The following CADPS2 variants were observed in gnomAD, a reference collection of about 807,000 sequenced individuals.
CADPS2 encodes calcium-dependent secretion activator 2.
A neutral mutation model predicts 172.5 loss-of-function variants in CADPS2; 93 were observed. The ratio of observed to expected loss-of-function variants is 0.54; its 90% CI spans 0.46 to 0.64. The LOEUF (loss-of-function observed/expected upper bound fraction) is 0.64, where lower values mean the gene tolerates loss of function less well. Among genes scored for constraint, CADPS2 ranks in the 30% least tolerant of loss-of-function variants. The probability of loss-of-function intolerance (pLI) is 0.00; values close to 1 mark genes in which losing one functional copy is unlikely to be tolerated. For missense variants in CADPS2, 1,420 were observed against 1,565.9 expected (o/e 0.91, Z 1.57); for synonymous variants, 546 against 555.2 (o/e 0.98, Z 0.23).
At chr7:122,850,113 A>G (rs1388640663) in intron 1 of CADPS2, 10 of 1,342,328 alleles carry the variant, frequency 7.4e-6, no homozygotes, top group South Asian at 2.0e-5. Context: ...CCTGGCATCC[A>G]TCAACAACTC....
chr7:122,629,936 C>A (rs2076418114), intron 3 of CADPS2, among the ~76,000 whole-genome samples: 1 of 152,064 alleles, frequency 6.6e-6, no homozygotes, highest in African/African-American at 2.4e-5. Context: ...GTGCTCTCAT[C>A]ATTTTTTTTA....
In CADPS2 at chr7:122,325,514, T is replaced by C. The variant is rs754483790; in HGVS notation, c.3680A>G (p.His1227Arg). Residue 1227 changes from histidine (H) to arginine (R), a missense_variant, in exon 29 of 30, where the codon CAT (histidine) becomes CGT (arginine). Physicochemically the swap from His to Arg is conservative, Grantham distance 29. Coordinates refer to ENST00000449022, the MANE Select transcript of CADPS2 (RefSeq NM_017954.11). Reference protein sequence around the residue: ...WLTDRLDLQLHIYQLKTLIKI... With the variant: ...WLTDRLDLQLRIYQLKTLIKI... ...GATGAGCGTCTTCAGCTGGTAAATA[T>C]GGAGTTGGAGGTCTAATCTATCAGT... The C allele has an allele frequency of 1.2e-5, 19 of 1,611,158 alleles. No homozygotes were observed. The highest frequency in any genetic ancestry group is 1.4e-5 in the Non-Finnish European group (17 of 1,178,610).
At chr7:122,391,439 A>G (rs1038321298) in intron 22 of CADPS2, among the ~76,000 whole-genome samples, 2 of 152,126 alleles carry the variant, frequency 1.3e-5, no homozygotes, top group East Asian at 3.9e-4. Flanking sequence ...TGCCCATGAT[A>G]GTGTTCTTGG....
intron 24 of CADPS2, chr7:122,386,152 C>T (rs2043638706): frequency 2.1e-6 from 1 of 485,842 alleles, no homozygotes. Context: ...AAGCTGTTAG[C>T]CTTATATATG....
chr7:122,665,444 A>G (rs2081086653), intron 2 of CADPS2, among the ~76,000 whole-genome samples: 1 of 152,210 alleles, frequency 6.6e-6, no homozygotes, highest in African/African-American at 2.4e-5. Flanking sequence ...GTCAAATAAG[A>G]TGCTCCTCAA....
At position 122,393,236 on chromosome 7, in the gene CADPS2, T is replaced by A; in HGVS notation, c.2968A>T (p.Ile990Phe). ...GAAGGCATCCACGAAGCAGTAGAAA[T>A]GTTAGGAATCTGTGGAAGATTAAGA... ...LPLNLPQIPN[I>F]STASWMPSLY... Residue 990 changes from isoleucine to phenylalanine, a missense_variant, in exon 22 of 30, where the codon ATT becomes TTT. Ile to Phe is a conservative substitution (Grantham distance 21). Transcript: ENST00000449022. 1 of 1,613,636 alleles carries A rather than the reference T, an allele frequency of 6.2e-7. No homozygotes were observed. Among genetic ancestry groups the A allele is most frequent in the African/African-American group, 1.3e-5 (1 of 74,932 alleles).
At chr7:122,771,929 T>A (rs2093716045) in intron 1 of CADPS2, among the ~76,000 whole-genome samples, 1 of 152,154 alleles carries the variant, frequency 6.6e-6, no homozygotes, top group South Asian at 2.1e-4. Flanking sequence ...ATCAGATTTG[T>A]GTTAGGGAGA....
chr7:122,438,455 T>C lies in CADPS2; in HGVS notation c.2362A>G (p.Lys788Glu). Reference sequence around the variant, plus strand: ...GCTGGTATGGGAGTGGCAATATCTTTCATTAAAACCTACAGAGAGAGGAAG... The same window carrying C: ...GCTGGTATGGGAGTGGCAATATCTTCCATTAAAACCTACAGAGAGAGGAAG... ...TLSLLERVLM[K>E]DIATPIPAEE... Residue 788 changes from lysine (K) to glutamate (E), a missense_variant, in exon 17 of 30, where the codon AAA (lysine) becomes GAA (glutamate). Coordinates refer to ENST00000449022, the MANE Select transcript of CADPS2 (RefSeq NM_017954.11). 1.2e-6 allele frequency: 2 copies of C among 1,612,742 alleles called. No individual in the cohort carries two copies. The highest frequency in any genetic ancestry group is 3.3e-4 in the Middle Eastern group (2 of 6,054).
chr7:122,589,484 G>A (rs1384937317), intron 6 of CADPS2, among the ~76,000 whole-genome samples: 3 of 151,874 alleles, frequency 2.0e-5, no homozygotes, highest in African/African-American at 4.8e-5. Flanking sequence ...ACTTACGGAA[G>A]AGCAGCTTTT....
chr7:122,686,161 T>G (rs914935743), intron 2 of CADPS2, among the ~76,000 whole-genome samples: 19 of 152,182 alleles, frequency 1.2e-4, no homozygotes, highest in Non-Finnish European at 2.5e-4. Context: ...TACTTTTCAG[T>G]TTTTTTCTAT....
intron 17 of CADPS2, chr7:122,426,079 A>C (rs2049140898): frequency 6.6e-6 from 1 of 152,328 alleles, no homozygotes; most frequent in Admixed American, 6.5e-5. Flanking sequence ...GAGACTTGCC[A>C]GCTGCAAGGC....
intron 7 of CADPS2, among the ~76,000 whole-genome samples, chr7:122,557,568 T>C (rs1165773804): frequency 6.6e-6 from 1 of 152,190 alleles, no homozygotes; most frequent in Non-Finnish European, 1.5e-5. Context: ...GCAGTTACCA[T>C]GAACTTTAGT....
rs1223949524 is a variant in CADPS2 at position 122,593,209 on chromosome 7, A to T, written c.1224-11919T>A. On this transcript the variant is annotated intron_variant, in intron 6 of 29. Transcript: ENST00000449022. ...TCTATATTTTCAACAAAACAAAAAA[A>T]ATTCTGCATGGCAATATATAAAAGA... Among the ~76,000 whole-genome samples the T allele has an allele frequency of 2.6e-5, 4 of 152,154 alleles. 1 individual carries two copies. The East Asian group carries it at 7.8e-4, about 30-fold the overall frequency.
chr7:122,477,055 AGAG>A (rs2056765405), intron 12 of CADPS2, among the ~76,000 whole-genome samples: 1 of 38,308 alleles, frequency 2.6e-5, no homozygotes, highest in African/African-American at 2.0e-4. Flanking sequence ...GAGAGAGAAG[AGAG>A]AGAGAGAGAG....
chr7:122,349,957 A>G (rs954673644), intron 27 of CADPS2, among the ~76,000 whole-genome samples: 1 of 152,128 alleles, frequency 6.6e-6, no homozygotes, highest in African/African-American at 2.4e-5. Flanking sequence ...CTACACAAAC[A>G]CTGTCATGGT....
At chr7:122,650,970 C>T (rs756507535) in intron 3 of CADPS2, among the ~76,000 whole-genome samples, 34 of 151,970 alleles carry the variant, frequency 2.2e-4, no homozygotes, top group Non-Finnish European at 3.7e-4. Flanking sequence ...TTCTTAAGAT[C>T]TTGTTTTTCC....
intron 1 of CADPS2, among the ~76,000 whole-genome samples, chr7:122,854,804 T>C (rs1435526382): frequency 1.3e-5 from 2 of 152,198 alleles, no homozygotes; most frequent in Non-Finnish European, 2.9e-5. Context: ...GAGGAACAGG[T>C]ACTCTCACTG....
intron 1 of CADPS2, among the ~76,000 whole-genome samples, chr7:122,831,942 G>C (rs559109899): frequency 6.6e-6 from 1 of 152,122 alleles, no homozygotes; most frequent in Non-Finnish European, 1.5e-5. Context: ...GAGAAGAGTG[G>C]ATGCTGTCAT....
At chr7:122,622,665 G>A (rs1056949604) in intron 4 of CADPS2, among the ~76,000 whole-genome samples, 3 of 152,022 alleles carry the variant, frequency 2.0e-5, no homozygotes, top group South Asian at 2.1e-4. Context: ...AAAGACAGAG[G>A]GTATATAGTT....
Sources: allele counts gnomAD v4.1 joint callset (sites outside exome capture counted in the v4.1 genomes callset), GRCh38; gene constraint gnomAD v4.1.1; transcripts MANE v1.5; gene names NCBI Gene and HGNC (gene_info 2026-07-23, HGNC 2026-07-21).